The following SETD2 variants were observed in gnomAD, a reference collection of about 807,000 sequenced individuals.
SETD2 encodes SET domain containing 2, histone lysine methyltransferase.
In SETD2, 31 loss-of-function variants were observed where a neutral mutation model predicts 242.1. The ratio of observed to expected loss-of-function variants is 0.13; its 90% CI spans 0.10 to 0.17. SETD2 has a LOEUF of 0.17. SETD2 is among the 10% of genes least tolerant of loss of function. SETD2 has a pLI of 1.00. For synonymous variants in SETD2, 1,006 were observed against 1,066.5 expected, an observed-to-expected ratio of 0.94 and a Z score of 1.11; for missense variants, 2,481 against 3,046.3, an observed-to-expected ratio of 0.81 and a Z score of 4.37.
At chr3:47,051,110 T>G (rs1007366965) in intron 15 of SETD2, among the ~76,000 whole-genome samples, 155 of 147,252 alleles carry the variant, frequency 1.1e-3, no homozygotes, top group Non-Finnish European at 1.9e-3. Flanking sequence ...TCTCCCTACA[T>G]TTTTTTTTTT....
At chr3:47,114,120 A>G (rs2042762764) in intron 4 of SETD2, 116 bp from the exon 5 acceptor site, 1 of 1,062,118 alleles carries the variant, frequency 9.4e-7, no homozygotes. Flanking sequence ...TATAATTAGC[A>G]TATGTATGAC....
chr3:47,086,368 T>G, intron 10 of SETD2, 54 bp from the exon 11 acceptor site: 4 of 1,584,586 alleles, frequency 2.5e-6, no homozygotes, highest in Non-Finnish European at 3.5e-6. Context: ...AATATCAGAA[T>G]ATTACAAAGA....
At chr3:47,091,563 G>C (rs968313700) in intron 9 of SETD2, among the ~76,000 whole-genome samples, 1 of 152,190 alleles carries the variant, frequency 6.6e-6, no homozygotes, top group African/African-American at 2.4e-5. Context: ...AGGAGTTCAA[G>C]ACCAGCCTGG....
At chr3:47,052,564 C>T (rs2039892413) in intron 15 of SETD2, among the ~76,000 whole-genome samples, 1 of 152,138 alleles carries the variant, frequency 6.6e-6, no homozygotes, top group African/African-American at 2.4e-5. Flanking sequence ...AGCCTGTAAT[C>T]CCAGCACTTT....
At chr3:47,120,082 T>C in intron 3 of SETD2, 100 bp downstream of exon 3, 1 of 966,846 alleles carries the variant, frequency 1.0e-6, no homozygotes, top group Non-Finnish European at 1.5e-6. Flanking sequence ...CCCACAACTC[T>C]TTCATGTGTT....
intron 15 of SETD2, among the ~76,000 whole-genome samples, chr3:47,050,465 T>A (rs1206597156): frequency 6.6e-6 from 1 of 152,138 alleles, no homozygotes; most frequent in African/African-American, 2.4e-5. Flanking sequence ...TGTATTTATG[T>A]ACAGGCTGAG....
At chr3:47,150,028 C>CTTTTTTTTTTTTTTT (rs71098457) in intron 1 of SETD2, among the ~76,000 whole-genome samples, 5 of 92,430 alleles carry the variant, frequency 5.4e-5, no homozygotes, top group Non-Finnish European at 7.8e-5. Context: ...TCCAAAAATA[C>CTTTTTTTTTTTTTTT]TTTTTTTTTT....
intron 14 of SETD2, among the ~76,000 whole-genome samples, chr3:47,059,108 CTTTT>C (rs111615859): frequency 7.7e-5 from 8 of 104,546 alleles, no homozygotes; most frequent in Non-Finnish European, 1.1e-4. Flanking sequence ...CACGCCTGGC[CTTTT>C]TTTTTTTTTT....
rs1419653252 is a variant in SETD2 at position 47,121,007 on chromosome 3, T to C, written c.3629A>G (p.Glu1210Gly). The change falls in exon 3 of 21, where the codon GAA becomes GGA. Residue 1210 changes from glutamate to glycine, a missense_variant. Physicochemically the swap from Glu to Gly is moderately conservative, Grantham distance 98. Transcript: ENST00000409792. ...EELPIYSSDF[E>G]DVPNKSWQQT... The stretch of plus-strand genomic sequence containing the variant: ...TTGCCAAGACTTATTTGGGACATCT[T>C]CAAAATCAGAAGAATAAATTGGCAG... 2 of 1,614,094 alleles carry C rather than the reference T, an allele frequency of 1.2e-6. No individual in the cohort carries two copies. The highest frequency in any genetic ancestry group is 2.7e-5 in the African/African-American group (2 of 74,936).
chr3:47,088,298 A>T (rs1322268007), intron 9 of SETD2, 51 bp from the exon 10 acceptor site: 1 of 1,553,244 alleles, frequency 6.4e-7, no homozygotes, highest in African/African-American at 1.4e-5. Context: ...CAACAAAAAA[A>T]AAAACCAAAA....
chr3:47,017,115 T>C lies in SETD2; in HGVS notation c.7673A>G (p.Lys2558Arg). 1 of 1,614,174 alleles carries C rather than the reference T, an allele frequency of 6.2e-7. No individual in the cohort carries two copies. The highest frequency in any genetic ancestry group is 8.5e-7 in the Non-Finnish European group (1 of 1,180,036). The change falls in exon 21 of 21, where the codon AAA becomes AGA. Residue 2558 changes from lysine (K) to arginine (R), a missense_variant. Lys to Arg is a conservative substitution (Grantham distance 26, BLOSUM62 2). This residue lies in a region of SETD2 where 29 missense variants were observed against 46.7 expected (regional missense o/e 0.62). Transcript: ENST00000409792. This position sits in a 1 kb window ranked among gnomAD's most constrained non-coding sequence, Gnocchi z 4.8. ...CAGTCACTCTAATTCAGTGTCCTCT[T>C]TGGGTTTGTAAACAGCCCCAAACTT... ...MQKFGAVYKP[K>R]EDTELE
chr3:47,103,601 T>C (rs2042297514), intron 6 of SETD2, among the ~76,000 whole-genome samples, 178 bp from the exon 7 acceptor site: 2 of 152,228 alleles, frequency 1.3e-5, no homozygotes, highest in South Asian at 2.1e-4. Flanking sequence ...GTTTTTCCAC[T>C]GTAAACAATG....
At position 47,083,939 on chromosome 3, in the gene SETD2, A is replaced by C; in HGVS notation, c.5841T>G (p.Ser1947Arg). ...KVDSETNIEA[S>R]KLPTSEPEAD... is the part of the protein sequence containing the mutation. ...CTTCTGGTTCAGATGTAGGTAGCTT[A>C]CTAGCTTCTATGTTGGTTTCACTAT... is the stretch of plus-strand genomic sequence containing the variant. Residue 1947 changes from serine to arginine, a missense_variant, in exon 12 of 21, where the codon AGT becomes AGG. Ser to Arg is a moderately radical substitution (Grantham distance 110). Transcript: ENST00000409792. 1.2e-6 allele frequency: 2 copies of C among 1,614,132 alleles called. No homozygotes were observed. Among genetic ancestry groups the C allele is most frequent in the Non-Finnish European group, 1.7e-6 (2 of 1,180,002 alleles).
intron 16 of SETD2, 41 bp downstream of exon 16, chr3:47,046,446 G>A (rs201083512): frequency 2.7e-5 from 41 of 1,492,392 alleles, no homozygotes; most frequent in Admixed American, 1.5e-4. Context: ...CAAAGACAAA[G>A]TAGACAGCCA....
At chr3:47,113,154 A>G (rs983029348) in intron 5 of SETD2, among the ~76,000 whole-genome samples, 1 of 151,388 alleles carries the variant, frequency 6.6e-6, no homozygotes, top group African/African-American at 2.4e-5. Flanking sequence ...TCCAGGCTAG[A>G]ATGCAGTGGC....
chr3:47,111,358 C>T (rs770828386), intron 5 of SETD2, among the ~76,000 whole-genome samples: 2 of 151,806 alleles, frequency 1.3e-5, no homozygotes, highest in Non-Finnish European at 2.9e-5. Context: ...AATTAAAAAC[C>T]AGTTATGAGA....
rs957793084 is a variant in SETD2 at position 47,160,451 on chromosome 3, C to T, written c.71+3403G>A. On this transcript the variant is annotated intron_variant, in intron 1 of 20. Coordinates refer to ENST00000409792, the MANE Select transcript of SETD2 (RefSeq NM_014159.7). The stretch of plus-strand genomic sequence containing the variant: ...GAGTAGCTGGGATTACAGGCGCCTG[C>T]CACCACACCAGACTAATTTTTTTTT... 4.0e-5 allele frequency among the ~76,000 whole-genome samples: 6 copies of T among 151,190 alleles called. No individual in the cohort carries two copies. The East Asian group carries it at 9.7e-4, about 24-fold the overall frequency.
At chr3:47,087,169 T>C (rs2041597031) in intron 10 of SETD2, among the ~76,000 whole-genome samples, 2 of 149,032 alleles carry the variant, frequency 1.3e-5, no homozygotes, top group Admixed American at 1.4e-4. Context: ...TGCTAGTAAC[T>C]GGAGGGTAAA....
intron 1 of SETD2, among the ~76,000 whole-genome samples, chr3:47,148,121 TG>T (rs767143917): frequency 7.0e-6 from 1 of 141,860 alleles, no homozygotes; most frequent in African/African-American, 2.6e-5. Flanking sequence ...TTGTTGTTGT[TG>T]TTGTTGTTGT....
Sources: gnomAD v4.1 joint callset for allele counts (sites outside exome capture counted in the v4.1 genomes callset) on GRCh38, gnomAD v4.1.1 for gene constraint, gnomAD v4.1.1 regional missense constraint, Gnocchi (gnomAD v3.1) non-coding constraint, MANE v1.5 for transcripts, NCBI Gene and HGNC (gene_info 2026-07-23, HGNC 2026-07-21) for gene names.